The following ZNF827 variants were observed in gnomAD, a reference collection of about 807,000 sequenced individuals.
ZNF827 encodes the protein zinc finger protein 827.
In ZNF827, 13 loss-of-function variants were observed where a neutral mutation model predicts 102.4. That is an observed-to-expected ratio of 0.13 (90% CI 0.08 to 0.20). ZNF827 has a LOEUF of 0.20. ZNF827 is among the 10% of genes least tolerant of loss of function. The probability of loss-of-function intolerance (pLI) is 1.00; values close to 1 mark genes in which losing one functional copy is unlikely to be tolerated. For missense variants in ZNF827, 1,103 were observed against 1,344.4 expected (o/e 0.82, Z 2.81); for synonymous variants, 523 against 536.2 (o/e 0.98, Z 0.34).
intron 13 of ZNF827, 81 bp downstream of exon 13, chr4:145,764,907 T>A (rs923492419): frequency 6.9e-6 from 11 of 1,601,754 alleles, no homozygotes; most frequent in Non-Finnish European, 8.5e-6. Context: ...CCCAAAACCT[T>A]CACGGGAAGG....
At chr4:145,854,186 T>G (rs1324667868) in intron 5 of ZNF827, among the ~76,000 whole-genome samples, 2 of 151,980 alleles carry the variant, frequency 1.3e-5, no homozygotes, top group Non-Finnish European at 2.9e-5. Context: ...CTACCAAAGT[T>G]GGGCTGAGGA....
At chr4:145,801,106 T>A (rs1740860142) in intron 8 of ZNF827, among the ~76,000 whole-genome samples, 1 of 152,182 alleles carries the variant, frequency 6.6e-6, no homozygotes, top group Admixed American at 6.5e-5. Context: ...ATTTAACTAT[T>A]AGTCCAACTT....
chr4:145,784,391 G>C (rs765536425), intron 8 of ZNF827, among the ~76,000 whole-genome samples: 2 of 152,142 alleles, frequency 1.3e-5, no homozygotes, highest in Non-Finnish European at 2.9e-5. Flanking sequence ...TTAACTGAAG[G>C]CTCCTCCTAT....
chr4:145,801,338 G>T (rs952839033), intron 8 of ZNF827, among the ~76,000 whole-genome samples: 1 of 152,114 alleles, frequency 6.6e-6, no homozygotes, highest in South Asian at 2.1e-4. Flanking sequence ...TATAATAAAA[G>T]AAAATCATCT....
intron 7 of ZNF827, among the ~76,000 whole-genome samples, chr4:145,838,782 G>C (rs1461239065): frequency 2.0e-5 from 3 of 152,204 alleles, no homozygotes; most frequent in African/African-American, 7.2e-5. Context: ...AGCAGTGGCT[G>C]TCTCTAGGTA....
chr4:145,926,772 A>T (rs554751216), intron 1 of ZNF827, among the ~76,000 whole-genome samples: 18 of 152,242 alleles, frequency 1.2e-4, no homozygotes, highest in African/African-American at 4.3e-4. Context: ...CTATGGTTTC[A>T]GCCTTATGGA....
At chr4:145,823,776 A>G (rs567278654) in intron 7 of ZNF827, among the ~76,000 whole-genome samples, 1 of 152,198 alleles carries the variant, frequency 6.6e-6, no homozygotes, top group African/African-American at 2.4e-5. Flanking sequence ...CATCTTTGAA[A>G]CACTGTTAAA....
chr4:145,903,032 G>C lies in ZNF827; in HGVS notation c.227C>G (p.Pro76Arg), dbSNP rs1188462599. Residue 76 changes from proline to arginine, a missense_variant, in exon 2 of 15, where the codon CCC becomes CGC. By Grantham distance (103) the Pro-to-Arg change is moderately radical. Around this residue, in one of 5 missense-constraint regions of ZNF827, gnomAD observed 441 missense variants for 458.6 expected, o/e 0.96. Coordinates refer to ENST00000508784, the MANE Select transcript of ZNF827 (RefSeq NM_001306215.2). Reference sequence around the variant, plus strand: ...CACCAGCTCCAACGTGTGGCTGCTGGGAGTCGTGCTTCCCAAGGAGGTGTC... The same window carrying C: ...CACCAGCTCCAACGTGTGGCTGCTGCGAGTCGTGCTTCCCAAGGAGGTGTC... ...SPDTSLGSTTPSSHTLELVAL... is the reference protein window; with the variant it reads ...SPDTSLGSTTRSSHTLELVAL... The C allele has an allele frequency of 1.9e-6, 3 of 1,614,028 alleles. No homozygotes were observed. The African/African-American group carries it at 4.0e-5, about 22-fold the overall frequency.
intron 9 of ZNF827, among the ~76,000 whole-genome samples, chr4:145,777,729 T>C (rs1737334573): frequency 6.6e-6 from 1 of 152,220 alleles, no homozygotes; most frequent in African/African-American, 2.4e-5. Context: ...CTTTGTTGTT[T>C]TATCAATTCC....
At chr4:145,803,063 CTCTCTCCT>C (rs923981071) in intron 8 of ZNF827, among the ~76,000 whole-genome samples, 2 of 152,058 alleles carry the variant, frequency 1.3e-5, no homozygotes, top group Non-Finnish European at 2.9e-5. Flanking sequence ...TCCTCTCTCC[CTCTCTCCT>C]TCCTTCCCTC....
chr4:145,764,810 A>C, intron 13 of ZNF827, 178 bp downstream of exon 13: 1 of 770,090 alleles, frequency 1.3e-6, no homozygotes, highest in Non-Finnish European at 2.1e-6. Context: ...TTGACACCCT[A>C]GGGGGACAGG....
rs778417507 is a variant in ZNF827 at position 145,774,606 on chromosome 4, C to T, written c.2760G>A (p.Val920=). 1 of 1,613,726 alleles carries T rather than the reference C, an allele frequency of 6.2e-7. No homozygotes were observed. The highest frequency in any genetic ancestry group is 1.7e-5 in the Admixed American group (1 of 59,978). ...TCGAAAACATCCACTGCTCCTTGTC[C>T]ACGTGGAGTGACATGTGGCTGACAA... The part of the protein sequence containing the change: ...VQFVSHMSLH[V]DKEQWMFSIC... Residue 920 remains valine, a synonymous_variant, in exon 11 of 15, where the codon GTG becomes GTA. Coordinates refer to ENST00000508784, the MANE Select transcript of ZNF827 (RefSeq NM_001306215.2).
At chr4:145,767,399 G>A (rs1735469994) in intron 11 of ZNF827, among the ~76,000 whole-genome samples, 1 of 152,132 alleles carries the variant, frequency 6.6e-6, no homozygotes, top group African/African-American at 2.4e-5. Context: ...ATGCCTTTGG[G>A]AAGCTTAAAA....
chr4:145,937,142 G>T (rs995035136), intron 1 of ZNF827, among the ~76,000 whole-genome samples: 3 of 152,134 alleles, frequency 2.0e-5, no homozygotes, highest in African/African-American at 7.2e-5. Flanking sequence ...AGACTGGGGG[G>T]TTGGGGGGAG....
At chr4:145,889,521 T>C (rs957879379) in intron 3 of ZNF827, among the ~76,000 whole-genome samples, 2 of 152,026 alleles carry the variant, frequency 1.3e-5, no homozygotes, top group African/African-American at 2.4e-5. Context: ...ACCATACAGT[T>C]TGAGATCTTA....
intron 1 of ZNF827, among the ~76,000 whole-genome samples, chr4:145,907,664 C>T (rs1187305388): frequency 3.9e-5 from 6 of 152,144 alleles, no homozygotes; most frequent in Non-Finnish European, 8.8e-5. Flanking sequence ...CCCGGGGAAG[C>T]CTCTAAGTGG....
chr4:145,867,737 A>C (rs1748329957), intron 5 of ZNF827, among the ~76,000 whole-genome samples: 3 of 152,198 alleles, frequency 2.0e-5, no homozygotes, highest in Non-Finnish European at 4.4e-5. Flanking sequence ...ACTACAAATG[A>C]AAACAAGCAA....
intron 7 of ZNF827, among the ~76,000 whole-genome samples, chr4:145,825,102 C>A (rs967246021): frequency 2.6e-5 from 4 of 152,308 alleles, no homozygotes; most frequent in Non-Finnish European, 1.5e-5. Flanking sequence ...CATCTCATAA[C>A]CTGCAAGGGT....
intron 8 of ZNF827, among the ~76,000 whole-genome samples, chr4:145,782,175 C>T (rs1484290130): frequency 6.6e-6 from 1 of 152,206 alleles, no homozygotes; most frequent in African/African-American, 2.4e-5. Flanking sequence ...GCATTTGCTA[C>T]AGCAATCCAT....
Sources: allele counts gnomAD v4.1 joint callset (sites outside exome capture counted in the v4.1 genomes callset), GRCh38; gene constraint gnomAD v4.1.1; regional missense constraint gnomAD v4.1.1; transcripts MANE v1.5; gene names NCBI Gene and HGNC (gene_info 2026-07-23, HGNC 2026-07-21).